The following CSTPP1 variants were observed in gnomAD, a reference collection of about 807,000 sequenced individuals.
CSTPP1 encodes UPF0705 protein C11orf49.
chr11:47,004,154 T>A, the CSTPP1 span, among the ~76,000 whole-genome samples: 1 of 151,708 alleles, frequency 6.6e-6, no homozygotes, highest in African/African-American at 2.4e-5. Context: ...TTGTTGTTAC[T>A]GGTTTGTTTT....
the CSTPP1 span, among the ~76,000 whole-genome samples, chr11:46,973,300 C>G: frequency 8.5e-5 from 13 of 152,172 alleles, no homozygotes; most frequent in Middle Eastern, 3.4e-3. Flanking sequence ...TGGTTGCTTG[C>G]CAGATATATT....
chr11:46,981,466 A>G, the CSTPP1 span, among the ~76,000 whole-genome samples: 1 of 152,134 alleles, frequency 6.6e-6, no homozygotes, highest in Non-Finnish European at 1.5e-5. Flanking sequence ...GTGTTTAACT[A>G]GAAATAAACA....
the CSTPP1 span, among the ~76,000 whole-genome samples, chr11:47,117,487 GC>G: frequency 3.3e-5 from 5 of 152,148 alleles, no homozygotes; most frequent in Non-Finnish European, 5.9e-5. Context: ...TAGGGTTTCT[GC>G]CGAGAGATCC....
the CSTPP1 span, among the ~76,000 whole-genome samples, chr11:47,093,511 C>T: frequency 6.6e-6 from 1 of 152,178 alleles, no homozygotes; most frequent in Non-Finnish European, 1.5e-5. Flanking sequence ...CCACATGGAG[C>T]TTACATTCCA....
the CSTPP1 span, among the ~76,000 whole-genome samples, chr11:47,123,710 T>G: frequency 6.6e-6 from 1 of 152,174 alleles, no homozygotes; most frequent in Non-Finnish European, 1.5e-5. Context: ...TGCTAGATGG[T>G]CAGATTATGA....
the CSTPP1 span, among the ~76,000 whole-genome samples, chr11:47,059,508 G>A: frequency 2.0e-5 from 3 of 152,176 alleles, no homozygotes; most frequent in Non-Finnish European, 4.4e-5. Flanking sequence ...TGCAAAGACA[G>A]TTGGGATGGA....
chr11:47,027,046 A>G, the CSTPP1 span, among the ~76,000 whole-genome samples: 1 of 152,186 alleles, frequency 6.6e-6, no homozygotes, highest in Non-Finnish European at 1.5e-5. Context: ...CTAACATGCT[A>G]TAAAGAGTAT....
chr11:47,105,530 A>C, the CSTPP1 span, among the ~76,000 whole-genome samples: 2 of 152,154 alleles, frequency 1.3e-5, no homozygotes, highest in Non-Finnish European at 2.9e-5. Context: ...TAATTAAAAG[A>C]AACAGTAAGT....
chr11:47,164,092 G>GGGTGGTGA, the CSTPP1 span: 1 of 1,608,162 alleles, frequency 6.2e-7, no homozygotes, highest in South Asian at 1.1e-5. Flanking sequence ...GCGTGCCACA[G>GGGTGGTGA]GGTGGTGAGG....
the CSTPP1 span, among the ~76,000 whole-genome samples, chr11:47,122,091 A>AAAAAAAAAT: frequency 3.2e-3 from 103 of 31,832 alleles, 3 homozygotes; most frequent in Non-Finnish European, 4.7e-3. Context: ...AAAAAAAAAA[A>AAAAAAAAAT]ATATATATAT....
chr11:47,062,911 G>A, the CSTPP1 span, among the ~76,000 whole-genome samples: 1 of 152,178 alleles, frequency 6.6e-6, no homozygotes, highest in South Asian at 2.1e-4. Context: ...CAGTTCACCA[G>A]GGCAGAGATG....
chr11:46,962,690 T>G, the CSTPP1 span, among the ~76,000 whole-genome samples: 1 of 152,234 alleles, frequency 6.6e-6, no homozygotes, highest in Non-Finnish European at 1.5e-5. Flanking sequence ...TATATTATCA[T>G]AGTTAGCACT....
chr11:47,135,979 C>A, the CSTPP1 span, among the ~76,000 whole-genome samples: 1 of 150,572 alleles, frequency 6.6e-6, no homozygotes, highest in Admixed American at 6.6e-5. Context: ...TTAAGTAACT[C>A]TCTCTCTCTC....
At chr11:47,155,136 T>A in the CSTPP1 span, 1 of 1,429,742 alleles carries the variant, frequency 7.0e-7, no homozygotes, top group Non-Finnish European at 9.8e-7. Flanking sequence ...CTTAAACCTC[T>A]CCCCCATTCT....
At chr11:47,161,385 G>GTGTT in the CSTPP1 span, 1 of 1,598,294 alleles carries the variant, frequency 6.3e-7, no homozygotes, top group South Asian at 1.1e-5. Context: ...GTTTACCCTA[G>GTGTT]TGTTAAGAGT....
At chr11:47,034,094 T>C in the CSTPP1 span, among the ~76,000 whole-genome samples, 1 of 151,372 alleles carries the variant, frequency 6.6e-6, no homozygotes, top group Non-Finnish European at 1.5e-5. Context: ...GAACTTAAAG[T>C]ATAATAAAAA....
the CSTPP1 span, among the ~76,000 whole-genome samples, chr11:47,156,238 G>A: frequency 1.3e-5 from 2 of 152,158 alleles, no homozygotes; most frequent in African/African-American, 4.8e-5. Context: ...TGAAGCTCTT[G>A]GGCCCTAGAG....
At chr11:47,137,528 T>C in the CSTPP1 span, 2 of 1,557,888 alleles carry the variant, frequency 1.3e-6, no homozygotes, top group African/African-American at 2.7e-5. Flanking sequence ...TCACACTGAC[T>C]TGCTTTTAAA....
chr11:47,031,950 G>A, the CSTPP1 span, among the ~76,000 whole-genome samples: 1 of 152,142 alleles, frequency 6.6e-6, no homozygotes, highest in Admixed American at 6.6e-5. Flanking sequence ...CAGCATGGGA[G>A]AAAGATGTAG....
Sources: gnomAD v4.1 joint callset for allele counts (sites outside exome capture counted in the v4.1 genomes callset) on GRCh38, gnomAD v4.1.1 for gene constraint, MANE v1.5 for transcripts, NCBI Gene and HGNC (gene_info 2026-07-23, HGNC 2026-07-21) for gene names.